LTBP1: variants seen among roughly 807,000 people sequenced by gnomAD.
LTBP1 encodes the protein latent transforming growth factor beta binding protein 1, also known as latent-transforming growth factor beta-binding protein 1.
LTBP1 carries 129 observed loss-of-function variants against 207.6 expected under a neutral mutation model. The observed-to-expected ratio is 0.62, with a 90% CI of 0.54 to 0.72. The LOEUF (loss-of-function observed/expected upper bound fraction) is 0.72, where lower values mean the gene tolerates loss of function less well. Ranked by LOEUF, LTBP1 falls within the 30% of genes least tolerant of loss-of-function variation. LTBP1 has a pLI of 0.00. For synonymous variants in LTBP1, 963 were observed against 833.7 expected, an observed-to-expected ratio of 1.16 and a Z score of -2.67; for missense variants, 2,281 against 2,217.2, an observed-to-expected ratio of 1.03 and a Z score of -0.58.
intron 3 of LTBP1, among the ~76,000 whole-genome samples, chr2:33,044,525 T>C (rs1432692922): frequency 6.6e-6 from 1 of 152,182 alleles, no homozygotes; most frequent in Non-Finnish European, 1.5e-5. Context: ...TGATGAGCAT[T>C]TGGGTTGATT....
rs541068047 is a variant in LTBP1 at position 33,215,089 on chromosome 2, G to A, written c.1702-2463G>A. 9.6e-4 allele frequency among the ~76,000 whole-genome samples: 146 copies of A among 152,086 alleles called. 1 individual carries two copies. The highest frequency in any genetic ancestry group is 3.1e-3 in the African/African-American group (129 of 41,486). On this transcript the variant is annotated intron_variant, in intron 7 of 33. Coordinates refer to ENST00000404816, the MANE Select transcript of LTBP1 (RefSeq NM_206943.4). The stretch of plus-strand genomic sequence containing the variant: ...ACGCCTTCTACTCCCTGGGGAATCC[G>A]ACAAACATTTGGGGCCTCAAATGGG...
At chr2:33,254,549 G>GTT (rs531576154) in intron 11 of LTBP1, among the ~76,000 whole-genome samples, 39,610 of 95,070 alleles carry the variant, frequency 0.42, 9,069 homozygotes, top group East Asian at 0.88. Flanking sequence ...TTTAAACTTG[G>GTT]TTTTTTTTTT....
chr2:32,956,117 G>A (rs150317863), intron 2 of LTBP1, among the ~76,000 whole-genome samples: 3 of 152,288 alleles, frequency 2.0e-5, no homozygotes, highest in Middle Eastern at 3.4e-3. Flanking sequence ...CCTTGAGTGA[G>A]TCATTATCTT....
intron 2 of LTBP1, among the ~76,000 whole-genome samples, chr2:32,986,947 C>T (rs1463788371): frequency 2.0e-5 from 3 of 152,108 alleles, no homozygotes; most frequent in Non-Finnish European, 4.4e-5. Context: ...GAACCAATCA[C>T]CTGGCCAGTG....
chr2:33,295,082 C>T (rs1009077119), intron 20 of LTBP1, among the ~76,000 whole-genome samples: 7 of 151,738 alleles, frequency 4.6e-5, no homozygotes, highest in African/African-American at 1.5e-4. Flanking sequence ...TTTATATGTT[C>T]ATTCCCTTTA....
chr2:33,126,027 G>C (rs1378061669), intron 4 of LTBP1, among the ~76,000 whole-genome samples: 1 of 152,022 alleles, frequency 6.6e-6, no homozygotes, highest in Non-Finnish European at 1.5e-5. Flanking sequence ...ATACTTTCAA[G>C]GTGGTTCACT....
intron 5 of LTBP1, among the ~76,000 whole-genome samples, chr2:33,138,055 C>T (rs1051703980): frequency 6.6e-6 from 1 of 152,030 alleles, no homozygotes; most frequent in Non-Finnish European, 1.5e-5. Context: ...AGCTCACCTC[C>T]TCCACACAGT....
intron 2 of LTBP1, among the ~76,000 whole-genome samples, chr2:33,009,290 C>CT (rs1687349458): frequency 1.3e-5 from 2 of 152,104 alleles, no homozygotes; most frequent in Non-Finnish European, 2.9e-5. Flanking sequence ...AGAAGAGTCA[C>CT]ATATAGTGAT....
In LTBP1 at chr2:33,253,921, G is replaced by A. The variant is rs554040858; in HGVS notation, c.2167+1077G>A. Among the ~76,000 whole-genome samples the A allele has an allele frequency of 3.0e-3, 357 of 118,806 alleles. 4 individuals are homozygous for A. The highest frequency in any genetic ancestry group is 0.011 in the African/African-American group (319 of 29,684). The allele number at this position is 118,806 out of a possible 152,430, so 77.9% of individuals were successfully genotyped here. On this transcript the variant is annotated intron_variant, in intron 11 of 33. Transcript: ENST00000404816. ...TTTTTTTTTTTTGAGATGGAGTCTC[G>A]CTTTGTTGCCCAGGCTGGAGTGCAG...
At chr2:33,254,982 T>G (rs1378006861) in intron 11 of LTBP1, among the ~76,000 whole-genome samples, 1 of 144,350 alleles carries the variant, frequency 6.9e-6, no homozygotes, top group African/African-American at 2.6e-5. Context: ...ATTGTGCAGG[T>G]TAGTTACATA....
rs189136135 is a variant in LTBP1 at position 33,078,390 on chromosome 2, G to A, written c.864-32192G>A. On this transcript the variant is annotated intron_variant, in intron 3 of 33. Coordinates refer to ENST00000404816, the MANE Select transcript of LTBP1 (RefSeq NM_206943.4). ...CCAACCAACTATGAATTTTGAAGCA[G>A]TTAGACCTTACCTAAAATTAGCTGT... Among the ~76,000 whole-genome samples, 637 of 152,234 alleles carry A rather than the reference G, an allele frequency of 4.2e-3. 2 individuals carry two copies. Among genetic ancestry groups the A allele is most frequent in the Non-Finnish European group, 7.1e-3 (482 of 68,024 alleles).
chr2:33,395,331 T>C (rs999569632), intron 32 of LTBP1, among the ~76,000 whole-genome samples: 3 of 152,168 alleles, frequency 2.0e-5, no homozygotes, highest in Non-Finnish European at 4.4e-5. Context: ...TGAGTGGGGC[T>C]TTAGAGATCC....
At chr2:33,168,422 AAG>A (rs1491184925) in intron 5 of LTBP1, among the ~76,000 whole-genome samples, 3 of 151,640 alleles carry the variant, frequency 2.0e-5, no homozygotes, top group South Asian at 2.1e-4. Flanking sequence ...AAAAAGAAAA[AAG>A]AAAAAAAAGA....
intron 20 of LTBP1, among the ~76,000 whole-genome samples, chr2:33,297,658 T>G (rs1408031594): frequency 1.3e-5 from 2 of 152,066 alleles, no homozygotes; most frequent in African/African-American, 2.4e-5. Flanking sequence ...TCTCCTGACC[T>G]TGTGATCCGC....
At chr2:33,351,483 A>G (rs990443892) in intron 26 of LTBP1, among the ~76,000 whole-genome samples, 9 of 152,370 alleles carry the variant, frequency 5.9e-5, no homozygotes, top group African/African-American at 2.2e-4. Flanking sequence ...ATTGGCAAAT[A>G]CAAAGGTAAA....
intron 9 of LTBP1, among the ~76,000 whole-genome samples, chr2:33,240,490 A>C (rs895035070): frequency 2.0e-5 from 3 of 152,200 alleles, no homozygotes; most frequent in African/African-American, 7.2e-5. Flanking sequence ...CTACCTGTCT[A>C]GGAAAAATCA....
chr2:33,122,099 C>CACA (rs1462876436), intron 4 of LTBP1, among the ~76,000 whole-genome samples: 2 of 151,706 alleles, frequency 1.3e-5, no homozygotes, highest in Non-Finnish European at 2.9e-5. Context: ...CCCCTTGACT[C>CACA]TGGGCTTGGC....
At chr2:33,347,871 C>T (rs1427195784) in intron 26 of LTBP1, among the ~76,000 whole-genome samples, 2 of 152,212 alleles carry the variant, frequency 1.3e-5, no homozygotes, top group Admixed American at 1.3e-4. Context: ...TCCATACGTT[C>T]TTGGCCCTTA....
chr2:32,973,208 C>G (rs997762013), intron 2 of LTBP1, among the ~76,000 whole-genome samples: 1 of 151,864 alleles, frequency 6.6e-6, no homozygotes, highest in African/African-American at 2.4e-5. Flanking sequence ...AGTTTTTTGC[C>G]CTGATGATCT....
Sources: allele counts gnomAD v4.1 joint callset (sites outside exome capture counted in the v4.1 genomes callset), GRCh38; gene constraint gnomAD v4.1.1; transcripts MANE v1.5; gene names NCBI Gene and HGNC (gene_info 2026-07-23, HGNC 2026-07-21).